PCDH11X: variants seen among roughly 807,000 people sequenced by gnomAD.
PCDH11X encodes protocadherin-11 X-linked.
In PCDH11X, 18 loss-of-function variants were observed where a neutral mutation model predicts 53.3. The observed-to-expected ratio is 0.34, with a 90% CI of 0.23 to 0.50. PCDH11X has a LOEUF of 0.50. PCDH11X is among the 20% of genes least tolerant of loss of function. PCDH11X has a pLI of 0.98. For synonymous variants in PCDH11X, 279 were observed against 393.3 expected, an observed-to-expected ratio of 0.71 and a Z score of 3.44; for missense variants, 570 against 1,032.4, an observed-to-expected ratio of 0.55 and a Z score of 6.14.
chrX:91,926,381 T>C (rs113907286), intron 6 of PCDH11X, among the ~76,000 whole-genome samples: 2 of 111,107 alleles, frequency 1.8e-5, no homozygotes, highest in Non-Finnish European at 3.8e-5. Flanking sequence ...CTGATTTAAA[T>C]GTTAATCATA....
chrX:92,013,083 G>C, intron 6 of PCDH11X, among the ~76,000 whole-genome samples: 1 of 111,421 alleles, frequency 9.0e-6, no homozygotes, highest in Non-Finnish European at 1.9e-5. Flanking sequence ...AAAAGAGGAA[G>C]TCAAATTGTC....
chrX:92,433,861 C>T (rs1485485994), intron 9 of PCDH11X, among the ~76,000 whole-genome samples: 2 of 110,774 alleles, frequency 1.8e-5, no homozygotes, highest in Non-Finnish European at 3.8e-5. Flanking sequence ...TGGACACGTG[C>T]CTGTCCTTTC....
chrX:92,522,242 C>G (rs956666228), intron 10 of PCDH11X, among the ~76,000 whole-genome samples: 4 of 111,088 alleles, frequency 3.6e-5, no homozygotes, highest in African/African-American at 9.8e-5. Flanking sequence ...CACTTGAACA[C>G]GTAAGATGCC....
chrX:91,950,689 G>C (rs1234009022), intron 6 of PCDH11X, among the ~76,000 whole-genome samples: 6 of 107,021 alleles, frequency 5.6e-5, no homozygotes, highest in Non-Finnish European at 1.2e-4. Context: ...CTTTGCAACT[G>C]TGAATTGCAA....
chrX:92,345,848 A>G (rs1030544023), intron 8 of PCDH11X, among the ~76,000 whole-genome samples: 1 of 107,530 alleles, frequency 9.3e-6, no homozygotes, highest in African/African-American at 3.4e-5. Flanking sequence ...CTAATTAGAC[A>G]CCCCTGAGCA....
chrX:92,205,426 CAGAAT>C (rs1337258993), intron 7 of PCDH11X, among the ~76,000 whole-genome samples: 2 of 110,521 alleles, frequency 1.8e-5, no homozygotes, highest in Non-Finnish European at 3.8e-5. Context: ...CAGTCGTCCT[CAGAAT>C]AGAAGTGTTG....
chrX:92,162,155 C>A (rs1361273656), intron 6 of PCDH11X, among the ~76,000 whole-genome samples: 1 of 95,662 alleles, frequency 1.0e-5, no homozygotes, highest in African/African-American at 3.9e-5. Context: ...TGGGTTATAT[C>A]GGAGGGAAGA....
Position 92,484,106 on chromosome X carries a change from GTGTA to G in PCDH11X, c.3367+15786_3367+15789del, listed in dbSNP as rs1294127250. Among the ~76,000 whole-genome samples the G allele has an allele frequency of 1.7e-4, 17 of 99,303 alleles. No individual in the cohort carries two copies. The Admixed American group carries it at 1.8e-3, about 11-fold the overall frequency. 86.2% of individuals were successfully genotyped at this position (99,303 alleles called of 115,157 possible). On this transcript the variant is annotated intron_variant, in intron 10 of 10. Coordinates refer to ENST00000682573, the MANE Select transcript of PCDH11X (RefSeq NM_032968.5). The stretch of plus-strand genomic sequence containing the variant: ...AATCTCTGTGTGTGTGTGTGTGTGT[GTGTA>G]TATATATAGTATATATATGTATATA...
chrX:92,187,453 A>T (rs2148301357), intron 6 of PCDH11X, among the ~76,000 whole-genome samples: 1 of 111,877 alleles, frequency 8.9e-6, no homozygotes, highest in African/African-American at 3.2e-5. Context: ...ATATACTCAC[A>T]AAATTAATGG....
At chrX:91,890,712 AAAAG>A (rs778779498) in intron 6 of PCDH11X, among the ~76,000 whole-genome samples, 3 of 108,754 alleles carry the variant, frequency 2.8e-5, no homozygotes, top group Non-Finnish European at 5.7e-5. Flanking sequence ...TATGAAAATA[AAAAG>A]AAAGAAGTAG....
At chrX:92,315,577 C>T (rs1279228014) in intron 8 of PCDH11X, among the ~76,000 whole-genome samples, 2 of 111,336 alleles carry the variant, frequency 1.8e-5, no homozygotes, top group Non-Finnish European at 3.8e-5. Flanking sequence ...CACTCCTTCA[C>T]CCAAGCTGGA....
chrX:92,289,673 A>G, intron 8 of PCDH11X, among the ~76,000 whole-genome samples: 1 of 111,583 alleles, frequency 9.0e-6, no homozygotes, highest in Non-Finnish European at 1.9e-5. Flanking sequence ...AACCACTGTT[A>G]TGACTAGGTC....
intron 6 of PCDH11X, among the ~76,000 whole-genome samples, chrX:92,193,762 A>T (rs2148311916): frequency 9.0e-6 from 1 of 111,724 alleles, no homozygotes; most frequent in South Asian, 3.7e-4. Context: ...CCTCTTAAAA[A>T]ATTTTAAAAT....
chrX:92,307,751 G>T (rs1310236639), intron 8 of PCDH11X, among the ~76,000 whole-genome samples: 4 of 97,442 alleles, frequency 4.1e-5, no homozygotes. Flanking sequence ...TTATTTAAGT[G>T]CCTCAAGTTG....
intron 8 of PCDH11X, among the ~76,000 whole-genome samples, chrX:92,348,539 AT>A (rs1340060285): frequency 9.6e-6 from 1 of 104,483 alleles, no homozygotes; most frequent in Non-Finnish European, 1.9e-5. Flanking sequence ...TATTATTATT[AT>A]TATTATTATT....
At chrX:92,144,838 A>G (rs954420146) in intron 6 of PCDH11X, among the ~76,000 whole-genome samples, 4 of 111,283 alleles carry the variant, frequency 3.6e-5, no homozygotes, top group African/African-American at 1.3e-4. Context: ...TTTCTCATGT[A>G]TGATGGCAAA....
intron 5 of PCDH11X, among the ~76,000 whole-genome samples, chrX:91,846,534 C>T (rs980043841): frequency 9.2e-6 from 1 of 108,427 alleles, no homozygotes; most frequent in Non-Finnish European, 1.9e-5. Flanking sequence ...AGGAGAACAG[C>T]GTGAACCCGG....
At chrX:91,903,656 CGTGTGTGTGTGTGTGT>C (rs61017416) in intron 6 of PCDH11X, among the ~76,000 whole-genome samples, 1 of 93,945 alleles carries the variant, frequency 1.1e-5, no homozygotes, top group African/African-American at 3.9e-5. Context: ...CCTCTATGTG[CGTGTGTGTGTGTGTGT>C]GTGTGTGTGT....
chrX:92,448,064 T>C (rs2072695398), intron 9 of PCDH11X, among the ~76,000 whole-genome samples: 1 of 101,689 alleles, frequency 9.8e-6, no homozygotes. Context: ...ATGACTGTAC[T>C]CCCATTGTAT....
Sources: gnomAD v4.1 joint callset for allele counts (sites outside exome capture counted in the v4.1 genomes callset) on GRCh38, gnomAD v4.1.1 for gene constraint, MANE v1.5 for transcripts, NCBI Gene and HGNC (gene_info 2026-07-23, HGNC 2026-07-21) for gene names.